ALPK2: variants seen among roughly 807,000 people sequenced by gnomAD.
ALPK2 encodes alpha-protein kinase 2.
In ALPK2, 127 loss-of-function variants were observed where a neutral mutation model predicts 163.1. That is an observed-to-expected ratio of 0.78 (90% confidence interval 0.67 to 0.90). The LOEUF (loss-of-function observed/expected upper bound fraction) is 0.90, where lower values mean the gene tolerates loss of function less well. ALPK2 is among the 40% of genes least tolerant of loss of function. The pLI, the probability that ALPK2 is intolerant of heterozygous loss-of-function variation, is 0.00. For missense variants in ALPK2, 2,360 were observed against 2,589.6 expected (o/e 0.91, Z 1.92); for synonymous variants, 953 against 959.1 (o/e 0.99, Z 0.12).
chr18:58,544,295 T>C (rs1246163783), intron 4 of ALPK2: 1 of 152,214 alleles, frequency 6.6e-6, no homozygotes, highest in Non-Finnish European at 1.5e-5. Flanking sequence ...TTTTCACTTA[T>C]TGGCCTTTCC....
rs962949990 is a variant in ALPK2 at position 58,609,296 on chromosome 18, C to T, written c.110-1857G>A. On this transcript the variant is annotated intron_variant, in intron 2 of 12. Coordinates refer to ENST00000361673, the MANE Select transcript of ALPK2 (RefSeq NM_052947.4). ...AGTAGCTGCGTGGCTGAGCCTCTTA[C>T]AGGCATTTGCCTATAAAAAGACACC... Among the ~76,000 whole-genome samples, 2 of 152,234 alleles carry T rather than the reference C, an allele frequency of 1.3e-5. 1 individual carries two copies. The highest frequency in any genetic ancestry group is 4.1e-4 in the South Asian group (2 of 4,832).
At chr18:58,513,786 A>G (rs2051506813) in intron 10 of ALPK2, among the ~76,000 whole-genome samples, 1 of 152,160 alleles carries the variant, frequency 6.6e-6, no homozygotes, top group Admixed American at 6.5e-5. Flanking sequence ...AGGCTGGATC[A>G]CTTGAGCCCG....
chr18:58,533,003 G>T (rs2051624049), intron 5 of ALPK2, among the ~76,000 whole-genome samples: 1 of 152,190 alleles, frequency 6.6e-6, no homozygotes. Context: ...TGTGTTGTGG[G>T]TGGCATGAGT....
chr18:58,558,461 T>TA (rs1281458436), intron 4 of ALPK2, among the ~76,000 whole-genome samples: 3 of 152,360 alleles, frequency 2.0e-5, no homozygotes, highest in African/African-American at 7.2e-5. Context: ...GTAAGTGTCT[T>TA]ACCATCATAC....
chr18:58,601,613 GTCC>G (rs941990292), intron 3 of ALPK2, among the ~76,000 whole-genome samples: 1 of 152,166 alleles, frequency 6.6e-6, no homozygotes, highest in Admixed American at 6.5e-5. Context: ...AACCAGTACT[GTCC>G]TCCTGGGGGA....
At chr18:58,530,180 C>T (rs536112895) in intron 5 of ALPK2, among the ~76,000 whole-genome samples, 2 of 152,302 alleles carry the variant, frequency 1.3e-5, no homozygotes, top group South Asian at 4.1e-4. Flanking sequence ...TGAAAATATC[C>T]ATGAATTCAA....
At chr18:58,607,934 A>G (rs113324510) in intron 2 of ALPK2, among the ~76,000 whole-genome samples, 5 of 152,208 alleles carry the variant, frequency 3.3e-5, no homozygotes, top group Admixed American at 6.5e-5. Context: ...AGATAATCCT[A>G]TAAGTTATTG....
intron 4 of ALPK2, among the ~76,000 whole-genome samples, chr18:58,561,887 G>A (rs2051827450): frequency 6.6e-6 from 1 of 152,196 alleles, no homozygotes; most frequent in South Asian, 2.1e-4. Context: ...GAGTAGCTAT[G>A]GGGCAGGGCA....
At chr18:58,507,927 T>C (rs1362069343) in intron 10 of ALPK2, among the ~76,000 whole-genome samples, 1 of 152,182 alleles carries the variant, frequency 6.6e-6, no homozygotes, top group East Asian at 1.9e-4. Context: ...AAATTATGGC[T>C]CAGGTGTCAT....
intron 10 of ALPK2, among the ~76,000 whole-genome samples, chr18:58,513,430 A>G (rs906677248): frequency 6.6e-6 from 1 of 152,190 alleles, no homozygotes; most frequent in Admixed American, 6.5e-5. Context: ...AGTGGTTTAG[A>G]TAGAAAAATG....
intron 10 of ALPK2, among the ~76,000 whole-genome samples, chr18:58,504,765 G>A (rs1402043076): frequency 6.6e-6 from 1 of 152,214 alleles, no homozygotes; most frequent in Non-Finnish European, 1.5e-5. Flanking sequence ...CGGGCATGCG[G>A]TGGAGTGGGG....
chr18:58,482,355 T>C (rs931956955), intron 12 of ALPK2, among the ~76,000 whole-genome samples: 4 of 152,086 alleles, frequency 2.6e-5, no homozygotes, highest in Admixed American at 2.6e-4. Flanking sequence ...CAATGACCAG[T>C]GCTGGGCTAT....
chr18:58,527,952 T>C (rs1311173325), intron 6 of ALPK2, among the ~76,000 whole-genome samples: 2 of 152,174 alleles, frequency 1.3e-5, no homozygotes, highest in Non-Finnish European at 1.5e-5. Context: ...TCAGATTTTC[T>C]CACTTTTTCA....
chr18:58,564,443 A>G (rs1334638382), intron 4 of ALPK2, among the ~76,000 whole-genome samples: 4 of 151,678 alleles, frequency 2.6e-5, no homozygotes, highest in African/African-American at 9.7e-5. Context: ...TTATTAAGCT[A>G]TTCATCTTTT....
At chr18:58,565,761 TCC>T (rs1410670244) in intron 4 of ALPK2, among the ~76,000 whole-genome samples, 7 of 148,410 alleles carry the variant, frequency 4.7e-5, no homozygotes, top group African/African-American at 1.2e-4. Flanking sequence ...CTTCCTTCCT[TCC>T]TTCCTTCCTT....
At chr18:58,573,412 G>GTT in intron 4 of ALPK2, among the ~76,000 whole-genome samples, 1 of 135,446 alleles carries the variant, frequency 7.4e-6, no homozygotes, top group African/African-American at 2.8e-5. Flanking sequence ...ATATATATAT[G>GTT]TTTTTTTTTT....
rs149743699 is a variant in ALPK2, at chr18:58,516,485, C to T, written c.5940+423G>A. ...TTCTGGGTATACCCCACCCCTCTCC[C>T]TCTCCACAAAACAAAACCAAACAAA... is the stretch of plus-strand genomic sequence containing the variant. On this transcript the variant is annotated intron_variant, in intron 9 of 12. Transcript: ENST00000361673. 2.1e-4 allele frequency among the ~76,000 whole-genome samples: 32 copies of T among 152,262 alleles called. No homozygotes were observed. In the East Asian group the frequency reaches 5.6e-3, roughly 27 times the overall value.
intron 10 of ALPK2, among the ~76,000 whole-genome samples, chr18:58,510,366 G>A (rs548590071): frequency 6.6e-6 from 1 of 152,278 alleles, no homozygotes; most frequent in South Asian, 2.1e-4. Flanking sequence ...TTGGCAATGT[G>A]GGCTCTTTTT....
intron 3 of ALPK2, among the ~76,000 whole-genome samples, chr18:58,586,867 G>A (rs547274134): frequency 3.3e-5 from 5 of 152,052 alleles, no homozygotes; most frequent in African/African-American, 1.2e-4. Context: ...GGAAAGCTGG[G>A]AATGAGATGC....
Sources: allele counts gnomAD v4.1 joint callset (sites outside exome capture counted in the v4.1 genomes callset), GRCh38; gene constraint gnomAD v4.1.1; transcripts MANE v1.5; gene names NCBI Gene and HGNC (gene_info 2026-07-23, HGNC 2026-07-21).